ZBTB20: variants seen among roughly 807,000 people sequenced by gnomAD.
ZBTB20 encodes zinc finger and BTB domain containing 20.
In ZBTB20, 9 loss-of-function variants were observed where a neutral mutation model predicts 56.9. That is an observed-to-expected ratio of 0.16 (90% CI 0.10 to 0.28). The LOEUF (loss-of-function observed/expected upper bound fraction) is 0.28. ZBTB20 is among the 10% of genes least tolerant of loss of function. ZBTB20 has a pLI of 1.00. For missense variants in ZBTB20, 655 were observed against 1,003.0 expected (o/e 0.65, Z 4.69); for synonymous variants, 417 against 420.7 (o/e 0.99, Z 0.11).
At chr3:114,410,164 G>T (rs2087788274) in intron 7 of ZBTB20, among the ~76,000 whole-genome samples, 1 of 152,002 alleles carries the variant, frequency 6.6e-6, no homozygotes, top group Admixed American at 6.6e-5. Context: ...TGGATGCCAG[G>T]ACATGGGAAG....
intron 6 of ZBTB20, among the ~76,000 whole-genome samples, chr3:114,567,196 A>G (rs1577617978): frequency 6.6e-6 from 1 of 152,098 alleles, no homozygotes; most frequent in Non-Finnish European, 1.5e-5. Context: ...GCTTGCTCGC[A>G]GGGTCCTATG....
intron 7 of ZBTB20, among the ~76,000 whole-genome samples, chr3:114,407,427 A>G (rs1215923462): frequency 6.6e-6 from 1 of 152,188 alleles, no homozygotes; most frequent in Non-Finnish European, 1.5e-5. Context: ...GGTTGTCCAG[A>G]AATCCATTCT....
At chr3:114,725,894 A>C (rs1578548964) in intron 5 of ZBTB20, among the ~76,000 whole-genome samples, 1 of 152,214 alleles carries the variant, frequency 6.6e-6, no homozygotes, top group African/African-American at 2.4e-5. Flanking sequence ...TTTTTAGTAC[A>C]TACTGTGTGA....
intron 5 of ZBTB20, among the ~76,000 whole-genome samples, chr3:114,773,491 T>A (rs1252015321): frequency 6.6e-6 from 1 of 152,124 alleles, no homozygotes; most frequent in Non-Finnish European, 1.5e-5. Flanking sequence ...TTTAGTCATA[T>A]CCTCAGAGAA....
At chr3:114,532,123 TGCCAGTGA>T (rs1244323349) in intron 6 of ZBTB20, among the ~76,000 whole-genome samples, 9 of 152,170 alleles carry the variant, frequency 5.9e-5, no homozygotes, top group African/African-American at 2.2e-4. Context: ...GCACCTGCAA[TGCCAGTGA>T]GACAGAACCA....
At chr3:114,540,160 G>A (rs868673427) in intron 6 of ZBTB20, among the ~76,000 whole-genome samples, 2 of 151,820 alleles carry the variant, frequency 1.3e-5, no homozygotes, top group Non-Finnish European at 2.9e-5. Context: ...GAGAACATGC[G>A]GTATTTGGTT....
intron 6 of ZBTB20, among the ~76,000 whole-genome samples, chr3:114,517,732 T>C (rs1331466807): frequency 6.6e-6 from 1 of 151,926 alleles, no homozygotes; most frequent in Non-Finnish European, 1.5e-5. Context: ...CCTGCTACCA[T>C]GCCCGGCTAA....
intron 11 of ZBTB20, among the ~76,000 whole-genome samples, chr3:114,345,099 T>G (rs1364231772): frequency 6.6e-6 from 1 of 152,242 alleles, no homozygotes; most frequent in Non-Finnish European, 1.5e-5. Flanking sequence ...TATCTGTGTA[T>G]AAGTCCCTTG....
chr3:114,861,891 A>T (rs944728277), intron 4 of ZBTB20: 1 of 152,214 alleles, frequency 6.6e-6, no homozygotes, highest in African/African-American at 2.4e-5. Context: ...AAGAAGATGC[A>T]ATCATCCATC....
At chr3:114,691,339 T>C (rs2062686143) in intron 6 of ZBTB20, among the ~76,000 whole-genome samples, 1 of 152,090 alleles carries the variant, frequency 6.6e-6, no homozygotes. Flanking sequence ...AACATGGTGA[T>C]ATAGTGAGAA....
intron 5 of ZBTB20, among the ~76,000 whole-genome samples, chr3:114,703,510 T>TC (rs2063521076): frequency 6.6e-6 from 1 of 151,936 alleles, no homozygotes; most frequent in African/African-American, 2.4e-5. Flanking sequence ...CTACTTTTTT[T>TC]TTATTCAAAT....
At chr3:114,783,791 C>CA (rs5851935) in intron 5 of ZBTB20, among the ~76,000 whole-genome samples, 87,204 of 131,008 alleles carry the variant, frequency 0.67, 31,763 homozygotes, top group East Asian at 0.9. Context: ...GACTCTGCCT[C>CA]AAAAAAAAAA....
rs1201567585 is a variant in ZBTB20 at position 115,098,641 on chromosome 3, ATT to A, written c.-702-27229_-702-27228del. Reference sequence around the variant, plus strand: ...AAGCAAATTGAAAGTCTCAGAATTAATTTTTTAAAAGAAGAGGTAAAAAAGTC... The same window carrying A: ...AAGCAAATTGAAAGTCTCAGAATTAATTTTAAAAGAAGAGGTAAAAAAGTC... On this transcript the variant is annotated intron_variant, in intron 1 of 11. Transcript: ENST00000675478. 2.6e-5 allele frequency among the ~76,000 whole-genome samples: 4 copies of A among 152,284 alleles called. No individual in the cohort carries two copies. In the East Asian group the frequency reaches 7.7e-4, roughly 29 times the overall value.
intron 6 of ZBTB20, among the ~76,000 whole-genome samples, chr3:114,506,131 T>C (rs888245286): frequency 6.6e-6 from 1 of 152,150 alleles, no homozygotes; most frequent in Non-Finnish European, 1.5e-5. Flanking sequence ...TGGTCATACA[T>C]ATCTTGGGGT....
chr3:114,723,759 G>T lies in ZBTB20; in HGVS notation c.-342-30184C>A, dbSNP rs533242234. On this transcript the variant is annotated intron_variant, in intron 5 of 11. Transcript: ENST00000675478. ...AAAATATTTATTAAAACAAGCCATT[G>T]TTCAGAGAAATTAGCCTCACATTAT... 6.0e-4 allele frequency among the ~76,000 whole-genome samples: 91 copies of T among 152,316 alleles called. No individual in the cohort carries two copies. In the Middle Eastern group the frequency reaches 0.01, roughly 17 times the overall value.
chr3:115,079,838 C>T (rs2082734145), intron 1 of ZBTB20, among the ~76,000 whole-genome samples: 2 of 152,112 alleles, frequency 1.3e-5, no homozygotes, highest in Admixed American at 6.6e-5. Flanking sequence ...AATAATTGCT[C>T]AAGTGACATA....
At position 114,881,575 on chromosome 3, in the gene ZBTB20, T is replaced by C. The variant is rs904389781; in HGVS notation, c.-417+18729A>G. 1.6e-4 allele frequency among the ~76,000 whole-genome samples: 25 copies of C among 152,078 alleles called. No homozygotes were observed. In the East Asian group the frequency reaches 4.2e-3, roughly 26 times the overall value. On this transcript the variant is annotated intron_variant, in intron 4 of 11. Transcript: ENST00000675478. ...TTAATCATTGCTTAAATTAGCAAAA[T>C]ATAATTATATATTTTTATAAAGAAG...
At chr3:114,741,946 A>T (rs2066630603) in intron 5 of ZBTB20, among the ~76,000 whole-genome samples, 1 of 152,106 alleles carries the variant, frequency 6.6e-6, no homozygotes, top group South Asian at 2.1e-4. Context: ...AATGAAGGGA[A>T]TTAACAAATT....
At chr3:114,988,091 C>CTTTTTTTTTT (rs543706041) in intron 2 of ZBTB20, among the ~76,000 whole-genome samples, 1 of 118,818 alleles carries the variant, frequency 8.4e-6, no homozygotes, top group Non-Finnish European at 1.9e-5. Flanking sequence ...TATCCAGTTT[C>CTTTTTTTTTT]TTTTTTTTTT....
Sources: gnomAD v4.1 joint callset for allele counts (sites outside exome capture counted in the v4.1 genomes callset) on GRCh38, gnomAD v4.1.1 for gene constraint, MANE v1.5 for transcripts, NCBI Gene and HGNC (gene_info 2026-07-23, HGNC 2026-07-21) for gene names.